The following XXYLT1 variants were observed in gnomAD, a reference collection of about 807,000 sequenced individuals.
XXYLT1 encodes the protein xyloside xylosyltransferase 1.
XXYLT1 carries 20 observed loss-of-function variants against 28.9 expected under a neutral mutation model. The ratio of observed to expected loss-of-function variants is 0.69; its 90% CI spans 0.49 to 1.00. The LOEUF (loss-of-function observed/expected upper bound fraction) is 1.00. Ranked by LOEUF, XXYLT1 falls within the 50% of genes least tolerant of loss-of-function variation. XXYLT1 has a pLI of 0.00. For missense variants in XXYLT1, 542 were observed against 560.1 expected (o/e 0.97, Z 0.33); for synonymous variants, 257 against 253.8 (o/e 1.01, Z -0.12).
intron 3 of XXYLT1, among the ~76,000 whole-genome samples, chr3:195,102,332 G>A (rs909076950): frequency 4.6e-5 from 7 of 151,984 alleles, no homozygotes; most frequent in African/African-American, 1.2e-4. Context: ...TCATGAATAC[G>A]ATATTATGGA....
chr3:195,178,112 G>C (rs1721763975), intron 2 of XXYLT1, among the ~76,000 whole-genome samples: 1 of 151,930 alleles, frequency 6.6e-6, no homozygotes, highest in Admixed American at 6.6e-5. Context: ...AGGTATGACA[G>C]TCTGACTCCA....
In XXYLT1 at chr3:195,173,766, A is replaced by G. The variant is rs1721526449; in HGVS notation, c.653-17185T>C. Among the ~76,000 whole-genome samples, 1 of 152,194 alleles carries G rather than the reference A, an allele frequency of 6.6e-6. No homozygotes were observed. Among genetic ancestry groups the G allele is most frequent in the African/African-American group, 2.4e-5 (1 of 41,448 alleles). On this transcript the variant is annotated intron_variant, in intron 2 of 3. Transcript: ENST00000310380. The surrounding 1 kb of genome is among the most constrained non-coding windows in gnomAD (Gnocchi z 4.3). The stretch of plus-strand genomic sequence containing the variant: ...CAGAAGGAGCTTTGCATCTCAGGCC[A>G]TCCCGCACCGGCTCGCTGTCCAGGA...
intron 1 of XXYLT1, among the ~76,000 whole-genome samples, chr3:195,254,698 C>T (rs1376495768): frequency 6.6e-6 from 1 of 152,230 alleles, no homozygotes; most frequent in Non-Finnish European, 1.5e-5. Context: ...AAGCTGGGCA[C>T]AGCCACCAAG....
intron 1 of XXYLT1, among the ~76,000 whole-genome samples, chr3:195,230,478 GT>G (rs1724252896): frequency 6.6e-6 from 1 of 152,184 alleles, no homozygotes; most frequent in African/African-American, 2.4e-5. Flanking sequence ...GTCCTGGAGA[GT>G]TTCCCCCAAT....
intron 2 of XXYLT1, chr3:195,175,581 G>T (rs1194809322): frequency 6.5e-7 from 1 of 1,535,830 alleles, no homozygotes; most frequent in Non-Finnish European, 8.7e-7. Flanking sequence ...GGGTGTTTCA[G>T]AAGCAGGTCT....
At chr3:195,149,776 A>T (rs60023213) in intron 3 of XXYLT1, among the ~76,000 whole-genome samples, 31,566 of 152,188 alleles carry the variant, frequency 0.21, 3,793 homozygotes, top group East Asian at 0.57. Flanking sequence ...ATACCTTACA[A>T]TGTTTAGGGT....
In XXYLT1 at chr3:195,239,424, A is replaced by G. The variant is rs185447334; in HGVS notation, c.505-12568T>C. On this transcript the variant is annotated intron_variant, in intron 1 of 3. Coordinates refer to ENST00000310380, the MANE Select transcript of XXYLT1 (RefSeq NM_152531.5). ...CTTCGACCTCCCCTCCTCCCTTTCA[A>G]GTCCCCCACCTCGAGAGCTGCAAGA... Among the ~76,000 whole-genome samples, 8 of 152,332 alleles carry G rather than the reference A, an allele frequency of 5.3e-5. No homozygotes were observed. The East Asian group carries it at 1.5e-3, about 29-fold the overall frequency.
intron 3 of XXYLT1, among the ~76,000 whole-genome samples, chr3:195,126,487 T>A (rs561935701): frequency 6.6e-6 from 1 of 152,338 alleles, no homozygotes; most frequent in Admixed American, 6.5e-5. Context: ...ATAAAAGTGA[T>A]GAAGGCACAG....
At chr3:195,169,820 G>C (rs1577103954) in intron 2 of XXYLT1, among the ~76,000 whole-genome samples, 1 of 150,716 alleles carries the variant, frequency 6.6e-6, no homozygotes, top group East Asian at 1.9e-4. Flanking sequence ...GAGTATCAGT[G>C]TGTCAAATGT....
At chr3:195,147,709 C>T (rs1338602813) in intron 3 of XXYLT1, among the ~76,000 whole-genome samples, 1 of 152,158 alleles carries the variant, frequency 6.6e-6, no homozygotes, top group African/African-American at 2.4e-5. Context: ...GCGGAGGAAA[C>T]GCCCTCTGAC....
rs1718008815 is a variant in XXYLT1 at position 195,115,722 on chromosome 3, G to GGT, written c.785+40725_785+40726dup. ...GTGTGCGCTCTCACCTTTGAGCTGA[G>GGT]GTGTTCACGTCCGAGGTGGAGGAAG... On this transcript the variant is annotated intron_variant, in intron 3 of 3. Transcript: ENST00000310380. This position sits in a 1 kb window ranked among gnomAD's most constrained non-coding sequence, Gnocchi z 4.2. Among the ~76,000 whole-genome samples, 1 of 151,772 alleles carries GGT rather than the reference G, an allele frequency of 6.6e-6. No individual in the cohort carries two copies.
At chr3:195,231,267 T>C (rs1577175625) in intron 1 of XXYLT1, among the ~76,000 whole-genome samples, 1 of 152,116 alleles carries the variant, frequency 6.6e-6, no homozygotes, top group Non-Finnish European at 1.5e-5. Flanking sequence ...AATCAATACA[T>C]TTTTTGTTTT....
At position 195,068,834 on chromosome 3, in the gene XXYLT1, C is replaced by T. The variant is rs1416636864; in HGVS notation, c.*881G>A. 3 of 152,164 alleles carry T rather than the reference C, an allele frequency of 2.0e-5. No individual in the cohort carries two copies. The highest frequency in any genetic ancestry group is 6.5e-5 in the Admixed American group (1 of 15,284). The allele number at this position is 152,164 out of a possible 1,614,324, so 9.4% of individuals were successfully genotyped here. ...CGAGGCTCAATCGATACCCCCACCT[C>T]GGTCTCCCAAAGTGTTGGGATTACA... On this transcript the variant is annotated 3_prime_UTR_variant, in exon 4 of 4. Transcript: ENST00000310380.
chr3:195,107,915 A>G (rs1259573057), intron 3 of XXYLT1, among the ~76,000 whole-genome samples: 3 of 151,774 alleles, frequency 2.0e-5, no homozygotes, highest in African/African-American at 7.3e-5. Context: ...TCTTCCAGTC[A>G]GCTGCTGGCC....
intron 2 of XXYLT1, among the ~76,000 whole-genome samples, chr3:195,196,408 C>A (rs2410807): frequency 0.051 from 7,806 of 152,194 alleles, 617 homozygotes; most frequent in African/African-American, 0.18. Context: ...GCCTCCTCCC[C>A]ATCCCCGCCA....
At position 195,078,745 on chromosome 3, in the gene XXYLT1, C is replaced by T. The variant is rs973741076; in HGVS notation, c.786-8634G>A. On this transcript the variant is annotated intron_variant, in intron 3 of 3. Coordinates refer to ENST00000310380, the MANE Select transcript of XXYLT1 (RefSeq NM_152531.5). This position sits in a 1 kb window ranked among gnomAD's most constrained non-coding sequence, Gnocchi z 5.0. The stretch of plus-strand genomic sequence containing the variant: ...GTCCCCAGGGCTGCACACAGCCCCC[C>T]ACACTTCCAGAGCTGTCCTCCCCAC... 6.6e-6 allele frequency among the ~76,000 whole-genome samples: 1 copy of T among 152,136 alleles called. No homozygotes were observed. The highest frequency in any genetic ancestry group is 1.5e-5 in the Non-Finnish European group (1 of 68,022).
At chr3:195,181,150 GTGCTTCTCCTGAGGACTGACT>G (rs1357831648) in intron 2 of XXYLT1, among the ~76,000 whole-genome samples, 1 of 152,206 alleles carries the variant, frequency 6.6e-6, no homozygotes, top group African/African-American at 2.4e-5. Flanking sequence ...TGAGAACACT[GTGCTTCTCCTGAGGACTGACT>G]TGCTTCCCCT....
At chr3:195,230,395 C>G (rs1724248197) in intron 1 of XXYLT1, among the ~76,000 whole-genome samples, 2 of 152,176 alleles carry the variant, frequency 1.3e-5, no homozygotes, top group South Asian at 4.1e-4. Flanking sequence ...TGGATGTGAT[C>G]CCATTTGTCC....
chr3:195,219,646 C>G (rs73067078), intron 2 of XXYLT1, among the ~76,000 whole-genome samples: 7,015 of 152,300 alleles, frequency 0.046, 574 homozygotes, highest in African/African-American at 0.16. Flanking sequence ...CATCCAGTGT[C>G]AACTACCTGA....
Sources: gnomAD v4.1 joint callset for allele counts (sites outside exome capture counted in the v4.1 genomes callset) on GRCh38, gnomAD v4.1.1 for gene constraint, Gnocchi (gnomAD v3.1) non-coding constraint, MANE v1.5 for transcripts, NCBI Gene and HGNC (gene_info 2026-07-23, HGNC 2026-07-21) for gene names.